The following RNMT variants were observed in gnomAD, a reference collection of about 807,000 sequenced individuals.
RNMT encodes mRNA cap guanine-N(7) methyltransferase.
Under a neutral mutation model 56.0 loss-of-function variants are expected in RNMT, and 27 were observed. The ratio of observed to expected loss-of-function variants is 0.48; its 90% CI spans 0.36 to 0.67. The LOEUF is 0.67. Among genes scored for constraint, RNMT ranks in the 30% least tolerant of loss-of-function variants. The pLI is 0.00. For synonymous variants in RNMT, 184 were observed against 176.2 expected, an observed-to-expected ratio of 1.04 and a Z score of -0.35; for missense variants, 519 against 552.1, an observed-to-expected ratio of 0.94 and a Z score of 0.60.
intron 11 of RNMT, 132 bp from the exon 12 acceptor site, chr18:13,759,810 G>A: frequency 2.9e-6 from 2 of 687,420 alleles, no homozygotes; most frequent in Non-Finnish European, 5.0e-6. Flanking sequence ...GGAACTCTTA[G>A]AATTAATGGG....
At chr18:13,743,144 G>A (rs2149093823) in intron 8 of RNMT, 1 of 151,752 alleles carries the variant, frequency 6.6e-6, no homozygotes, top group East Asian at 1.9e-4. Flanking sequence ...CTGACACGGT[G>A]AAACCCCGTC....
intron 8 of RNMT, 154 bp downstream of exon 8, chr18:13,742,806 A>C (rs2044273690): frequency 5.4e-6 from 3 of 556,096 alleles, no homozygotes; most frequent in Non-Finnish European, 8.9e-6. Flanking sequence ...AAAAAAAAAA[A>C]CAAAACAAGA....
At chr18:13,753,900 G>C (rs1483721864) in intron 10 of RNMT, among the ~76,000 whole-genome samples, 1 of 151,262 alleles carries the variant, frequency 6.6e-6, no homozygotes, top group African/African-American at 2.4e-5. Context: ...TTGAGAATTT[G>C]GCAGGAGGAT....
intron 4 of RNMT, among the ~76,000 whole-genome samples, chr18:13,735,178 CT>C: frequency 6.6e-6 from 1 of 152,144 alleles, no homozygotes. Flanking sequence ...ATTTAGAGAA[CT>C]TTAAAAAGTG....
intron 8 of RNMT, chr18:13,743,173 A>G (rs2044281487): frequency 6.6e-6 from 1 of 151,730 alleles, no homozygotes; most frequent in Non-Finnish European, 1.5e-5. Flanking sequence ...AAATACAAAA[A>G]TTAGCTGGGC....
chr18:13,741,009 A>G (rs8096987), intron 6 of RNMT, among the ~76,000 whole-genome samples: 16,066 of 152,266 alleles, frequency 0.11, 928 homozygotes, highest in South Asian at 0.15. Context: ...AAGTCTCACC[A>G]TGAACTTTTT....
At chr18:13,743,914 A>G (rs909729228) in intron 8 of RNMT, among the ~76,000 whole-genome samples, 4 of 152,050 alleles carry the variant, frequency 2.6e-5, no homozygotes, top group Admixed American at 1.3e-4. Flanking sequence ...TTTTATAAAT[A>G]TAAACCATTT....
chr18:13,748,631 G>A (rs908880704), intron 9 of RNMT, among the ~76,000 whole-genome samples: 2 of 152,116 alleles, frequency 1.3e-5, no homozygotes, highest in Non-Finnish European at 2.9e-5. Context: ...TGCTTTCCTG[G>A]AGCGTTGGAA....
At chr18:13,757,754 A>G (rs953478331) in intron 11 of RNMT, among the ~76,000 whole-genome samples, 1 of 152,234 alleles carries the variant, frequency 6.6e-6, no homozygotes, top group Non-Finnish European at 1.5e-5. Context: ...ATGAAGCATG[A>G]ACATTCTTAA....
chr18:13,738,679 C>T (rs1460888294), intron 5 of RNMT, among the ~76,000 whole-genome samples: 4 of 152,176 alleles, frequency 2.6e-5, no homozygotes, highest in Admixed American at 6.5e-5. Context: ...ATCAAAAAAT[C>T]ACGTGTTTAA....
chr18:13,747,573 T>C (rs924615284), intron 9 of RNMT, among the ~76,000 whole-genome samples: 1 of 152,192 alleles, frequency 6.6e-6, no homozygotes, highest in South Asian at 2.1e-4. Flanking sequence ...AATGACTTGC[T>C]CAAGGCATAC....
chr18:13,732,710 A>G (rs1300097564), intron 3 of RNMT, among the ~76,000 whole-genome samples: 6 of 148,678 alleles, frequency 4.0e-5, no homozygotes, highest in African/African-American at 1.2e-4. Flanking sequence ...CATCAATGGA[A>G]TGTGAATTCT....
At chr18:13,728,384 G>A (rs1217791258) in intron 1 of RNMT, among the ~76,000 whole-genome samples, 6 of 129,854 alleles carry the variant, frequency 4.6e-5, no homozygotes, top group South Asian at 2.5e-4. Flanking sequence ...CGCCCAGGCC[G>A]GAGTGCAGTG....
At chr18:13,738,893 C>T (rs973418577) in intron 5 of RNMT, among the ~76,000 whole-genome samples, 1 of 152,088 alleles carries the variant, frequency 6.6e-6, no homozygotes, top group Non-Finnish European at 1.5e-5. Context: ...TCCACAGAAG[C>T]GGGGGGATGG....
chr18:13,756,397 GGTT>G (rs1399808664), intron 11 of RNMT, among the ~76,000 whole-genome samples: 1 of 152,136 alleles, frequency 6.6e-6, no homozygotes, highest in East Asian at 1.9e-4. Flanking sequence ...AGGACTGAGG[GGTT>G]GTTTGCAATT....
intron 5 of RNMT, among the ~76,000 whole-genome samples, chr18:13,737,688 A>G (rs1408393308): frequency 6.6e-6 from 1 of 152,088 alleles, no homozygotes; most frequent in Non-Finnish European, 1.5e-5. Context: ...AAAGGTTTCC[A>G]TTGGCAAAAA....
chr18:13,738,013 ATC>A lies in RNMT; in HGVS notation c.679+879_679+880del, dbSNP rs1457436030. ...CGATAGTAACGCAATGAATCAATCA[ATC>A]AATCACCTTAGCCCGGTGGTTAGTC... On this transcript the variant is annotated intron_variant, in intron 5 of 11. Transcript: ENST00000383314. Among the ~76,000 whole-genome samples the A allele has an allele frequency of 1.1e-4, 16 of 152,220 alleles. No homozygotes were observed. In the East Asian group the frequency reaches 2.9e-3, roughly 28 times the overall value.
chr18:13,759,917 G>A (rs775372572), intron 11 of RNMT, 25 bp from the exon 12 acceptor site: 1 of 1,573,254 alleles, frequency 6.4e-7, no homozygotes, highest in Non-Finnish European at 8.7e-7. Flanking sequence ...ATGAGAAACT[G>A]AACTCTTATT....
intron 9 of RNMT, among the ~76,000 whole-genome samples, chr18:13,750,107 C>T (rs1335302167): frequency 1.3e-5 from 2 of 152,070 alleles, no homozygotes; most frequent in South Asian, 2.1e-4. Context: ...AAAGGGATAT[C>T]ACTTAAAATG....
Sources: gnomAD v4.1 joint callset for allele counts (sites outside exome capture counted in the v4.1 genomes callset) on GRCh38, gnomAD v4.1.1 for gene constraint, MANE v1.5 for transcripts, NCBI Gene and HGNC (gene_info 2026-07-23, HGNC 2026-07-21) for gene names.